PCDHGB6: variants seen among roughly 807,000 people sequenced by gnomAD.
The protein encoded by PCDHGB6 is protocadherin gamma subfamily B, 6.
PCDHGB6 carries 51 observed loss-of-function variants against 59.1 expected under a neutral mutation model. The ratio of observed to expected loss-of-function variants is 0.86; its 90% confidence interval spans 0.69 to 1.09. The LOEUF is 1.09. Among genes scored for constraint, PCDHGB6 ranks in the 50% least tolerant of loss-of-function variants. The pLI is 0.00. For missense variants in PCDHGB6, 1,148 were observed against 1,205.1 expected (o/e 0.95, Z 0.70); for synonymous variants, 466 against 495.1 (o/e 0.94, Z 0.78).
At position 141,489,749 on chromosome 5, in the gene PCDHGB6, AC is replaced by A; in HGVS notation, c.2419-5057del. ...GTGGGCACCAATACTGTGAGCTTTT[AC>A]ACTCTAAGCCCCAACAGCCACTTCT... is the stretch of plus-strand genomic sequence containing the variant. On this transcript the variant is annotated intron_variant, in intron 1 of 3. Transcript: ENST00000520790. The surrounding 1 kb of genome is among the most constrained non-coding windows in gnomAD (Gnocchi z 4.5). 6.2e-7 allele frequency: 1 copy of A among 1,614,126 alleles called. No individual in the cohort carries two copies. Among genetic ancestry groups the A allele is most frequent in the Non-Finnish European group, 8.5e-7 (1 of 1,180,002 alleles).
chr5:141,420,438 GC>G, intron 1 of PCDHGB6: 1 of 1,107,996 alleles, frequency 9.0e-7, no homozygotes, highest in Non-Finnish European at 1.2e-6. Flanking sequence ...TAAATTAAAT[GC>G]CTCAGTCTTC....
At chr5:141,424,491 G>T (rs2096824224) in intron 1 of PCDHGB6, 1 of 152,122 alleles carries the variant, frequency 6.6e-6, no homozygotes, top group South Asian at 2.1e-4. Context: ...GTCTGTGTTT[G>T]TATGTATGGA....
rs1292277026 is a variant in PCDHGB6 at position 141,489,814 on chromosome 5, CCA to C, written c.2419-4992_2419-4991del. 6 of 1,614,024 alleles carry C rather than the reference CCA, an allele frequency of 3.7e-6. No homozygotes were observed. Among genetic ancestry groups the C allele is most frequent in the Non-Finnish European group, 8.5e-7 (1 of 1,180,004 alleles). ...GACCCTAAAAGATGGGAAGCCATTC[CCA>C]GAGCTGGTGCTAGAGCAGCAGCTGG... On this transcript the variant is annotated intron_variant, in intron 1 of 3. Transcript: ENST00000520790. This position sits in a 1 kb window ranked among gnomAD's most constrained non-coding sequence, Gnocchi z 4.5.
Position 141,431,141 on chromosome 5 carries a change from G to T in PCDHGB6, c.2418+20521G>T. 1.2e-6 allele frequency: 2 copies of T among 1,614,212 alleles called. No homozygotes were observed. Among genetic ancestry groups the T allele is most frequent in the South Asian group, 1.1e-5 (1 of 91,084 alleles). On this transcript the variant is annotated intron_variant, in intron 1 of 3. Coordinates refer to ENST00000520790, the MANE Select transcript of PCDHGB6 (RefSeq NM_018926.3). This position sits in a 1 kb window ranked among gnomAD's most constrained non-coding sequence, Gnocchi z 4.8. ...AGAAGTAGAAGTAAGGGACATTAACGACAATGCGCCTTACTTTCGTGAAAG... is the reference window on the plus strand; with the variant it reads ...AGAAGTAGAAGTAAGGGACATTAACTACAATGCGCCTTACTTTCGTGAAAG...
chr5:141,422,450 G>C (rs748354292), intron 1 of PCDHGB6: 71 of 1,611,564 alleles, frequency 4.4e-5, no homozygotes, highest in Non-Finnish European at 5.9e-5. Flanking sequence ...TTGATAACAA[G>C]CAGAGTGCTG....
chr5:141,453,870 C>A (rs932804656), intron 1 of PCDHGB6, among the ~76,000 whole-genome samples: 2 of 152,146 alleles, frequency 1.3e-5, no homozygotes, highest in African/African-American at 4.8e-5. Context: ...AACAGATGAG[C>A]AAAATAATGT....
intron 1 of PCDHGB6, among the ~76,000 whole-genome samples, chr5:141,434,221 G>T (rs760622311): frequency 6.6e-6 from 1 of 152,206 alleles, no homozygotes; most frequent in Admixed American, 6.5e-5. Flanking sequence ...TGTAAACAAA[G>T]TACGATTTCT....
chr5:141,505,155 C>T (rs2099844224), intron 2 of PCDHGB6, among the ~76,000 whole-genome samples: 1 of 152,162 alleles, frequency 6.6e-6, no homozygotes, highest in Non-Finnish European at 1.5e-5. Context: ...GAGTAAGACC[C>T]TGTCTAAAAC....
chr5:141,438,344 C>A (rs1591501799), intron 1 of PCDHGB6, among the ~76,000 whole-genome samples: 1 of 151,664 alleles, frequency 6.6e-6, no homozygotes, highest in African/African-American at 2.4e-5. Flanking sequence ...ATATAAGGAT[C>A]TACTCTGTGT....
chr5:141,427,956 C>T, intron 1 of PCDHGB6: 1 of 1,587,304 alleles, frequency 6.3e-7, no homozygotes, highest in African/African-American at 1.3e-5. Context: ...TGACAATGTG[C>T]CGCGGGTGCT....
intron 1 of PCDHGB6, among the ~76,000 whole-genome samples, chr5:141,443,577 G>A (rs567410923): frequency 1.3e-5 from 2 of 152,284 alleles, no homozygotes; most frequent in South Asian, 4.1e-4. Context: ...ATGGACTTGA[G>A]CTAAAACAGA....
Position 141,486,255 on chromosome 5 carries a change from A to G in PCDHGB6, c.2419-8552A>G. 1 of 1,614,028 alleles carries G rather than the reference A, an allele frequency of 6.2e-7. No homozygotes were observed. Reference sequence around the variant, plus strand: ...ACCTCAGAGCTTGGAACCCTCCCCGAGAGTGCAGAACCTGGCACTGTGGTG... The same window carrying G: ...ACCTCAGAGCTTGGAACCCTCCCCGGGAGTGCAGAACCTGGCACTGTGGTG... On this transcript the variant is annotated intron_variant, in intron 1 of 3. Coordinates refer to ENST00000520790, the MANE Select transcript of PCDHGB6 (RefSeq NM_018926.3). This position sits in a 1 kb window ranked among gnomAD's most constrained non-coding sequence, Gnocchi z 5.0.
chr5:141,423,501 C>G, intron 1 of PCDHGB6: 1 of 1,613,990 alleles, frequency 6.2e-7, no homozygotes, highest in African/African-American at 1.3e-5. Flanking sequence ...CCCACGAGGT[C>G]TCTCTCATTG....
At position 141,431,209 on chromosome 5, in the gene PCDHGB6, G is replaced by C; in HGVS notation, c.2418+20589G>C. Reference sequence around the variant, plus strand: ...TTAGTGAAAATGCAGCCACTGAGATGCGGTTCCCTCTACCCCACGCCTGGG... The same window carrying C: ...TTAGTGAAAATGCAGCCACTGAGATCCGGTTCCCTCTACCCCACGCCTGGG... On this transcript the variant is annotated intron_variant, in intron 1 of 3. Coordinates refer to ENST00000520790, the MANE Select transcript of PCDHGB6 (RefSeq NM_018926.3). The surrounding 1 kb of genome is among the most constrained non-coding windows in gnomAD (Gnocchi z 4.8). 6.2e-7 allele frequency: 1 copy of C among 1,614,190 alleles called. No homozygotes were observed. Among genetic ancestry groups the C allele is most frequent in the Non-Finnish European group, 8.5e-7 (1 of 1,180,038 alleles).
rs758993148 is a variant in PCDHGB6 at position 141,430,863 on chromosome 5, T to C, written c.2418+20243T>C. On this transcript the variant is annotated intron_variant, in intron 1 of 3. Transcript: ENST00000520790. Reference sequence around the variant, plus strand: ...GGATGCACCCAGATACGCTATTCAGTTCCGGAAGAGCTGGAGAAAGGCTCT... The same window carrying C: ...GGATGCACCCAGATACGCTATTCAGCTCCGGAAGAGCTGGAGAAAGGCTCT... 8 of 1,594,990 alleles carry C rather than the reference T, an allele frequency of 5.0e-6. No individual in the cohort carries two copies. In the South Asian group the frequency reaches 8.0e-5, roughly 16 times the overall value.
intron 1 of PCDHGB6, chr5:141,423,461 A>G (rs1590478217): frequency 6.2e-7 from 1 of 1,613,982 alleles, no homozygotes; most frequent in Non-Finnish European, 8.5e-7. Context: ...GTAGGCGTGG[A>G]CGGGGTACAG....
Position 141,408,448 on chromosome 5 carries a change from G to A in PCDHGB6, c.246G>A (p.Gly82=). The change falls in exon 1 of 4, where the codon GGG becomes GGA. Residue 82 remains glycine (G), a synonymous_variant. Transcript: ENST00000520790. ...KLHFSVDAES[G]DLLVKNRIDR... is the part of the protein sequence containing the mutation. ...ACTTCAGCGTAGACGCGGAGAGCGG[G>A]GACTTACTTGTGAAGAACCGAATAG... The A allele has an allele frequency of 2.5e-6, 4 of 1,614,054 alleles. No homozygotes were observed. The highest frequency in any genetic ancestry group is 2.5e-6 in the Non-Finnish European group (3 of 1,179,916).
At position 141,408,696 on chromosome 5, in the gene PCDHGB6, A is replaced by G. The variant is rs768439069; in HGVS notation, c.494A>G (p.Asn165Ser). 6.2e-7 allele frequency: 1 copy of G among 1,613,648 alleles called. No homozygotes were observed. The highest frequency in any genetic ancestry group is 2.2e-5 in the East Asian group (1 of 44,868). ...GCCACGGATCCTGATATAAACATAA[A>G]CTCAATTAAAGATTATAAGATAAAC... ...DPATDPDINI[N>S]SIKDYKINSN... Residue 165 changes from asparagine (N) to serine (S), a missense_variant, in exon 1 of 4, where the codon AAC becomes AGC. Around this residue, in one of 5 missense-constraint regions of PCDHGB6, gnomAD observed 307 missense variants for 323.8 expected, o/e 0.95. Coordinates refer to ENST00000520790, the MANE Select transcript of PCDHGB6 (RefSeq NM_018926.3).
At chr5:141,416,589 TTA>T (rs1386515449) in intron 1 of PCDHGB6, 2 of 151,996 alleles carry the variant, frequency 1.3e-5, no homozygotes, top group African/African-American at 4.8e-5. Context: ...CAAAATAAAC[TTA>T]GAGTCAAGAA....
Sources: gnomAD v4.1 joint callset for allele counts (sites outside exome capture counted in the v4.1 genomes callset) on GRCh38, gnomAD v4.1.1 for gene constraint, gnomAD v4.1.1 regional missense constraint, Gnocchi (gnomAD v3.1) non-coding constraint, MANE v1.5 for transcripts, NCBI Gene and HGNC (gene_info 2026-07-23, HGNC 2026-07-21) for gene names.